LINGO2: variants seen among roughly 807,000 people sequenced by gnomAD.
The protein encoded by LINGO2 is leucine-rich repeat and immunoglobulin-like domain-containing nogo receptor-interacting protein 2.
In LINGO2, 14 loss-of-function variants were observed where a neutral mutation model predicts 30.6. The observed-to-expected ratio is 0.46, with a 90% CI of 0.30 to 0.72. The LOEUF is 0.72. Ranked by LOEUF, LINGO2 falls within the 30% of genes least tolerant of loss-of-function variation. The pLI, the probability that LINGO2 is intolerant of heterozygous loss-of-function variation, is 0.07. For missense variants in LINGO2, 729 were observed against 751.7 expected, an observed-to-expected ratio of 0.97 and a Z score of 0.35; for synonymous variants, 317 against 288.5, an observed-to-expected ratio of 1.10 and a Z score of -1.00.
chr9:28,327,532 T>A (rs1325739109), intron 3 of LINGO2, among the ~76,000 whole-genome samples: 1 of 152,140 alleles, frequency 6.6e-6, no homozygotes, highest in Non-Finnish European at 1.5e-5. Context: ...TTAGGGGGAG[T>A]GTGGAGGATT....
intron 4 of LINGO2, among the ~76,000 whole-genome samples, chr9:28,045,891 C>A (rs1446739531): frequency 1.3e-5 from 2 of 152,160 alleles, no homozygotes; most frequent in African/African-American, 4.8e-5. Flanking sequence ...CTACAACCCA[C>A]CTCCTGAGGA....
intron 5 of LINGO2, among the ~76,000 whole-genome samples, chr9:27,978,942 C>G (rs971574656): frequency 6.6e-6 from 1 of 151,986 alleles, no homozygotes; most frequent in African/African-American, 2.4e-5. Flanking sequence ...TCTAACAATA[C>G]TGGGAGAAAA....
At chr9:28,384,577 T>C (rs1025320744) in intron 2 of LINGO2, among the ~76,000 whole-genome samples, 23 of 152,110 alleles carry the variant, frequency 1.5e-4, no homozygotes, top group Admixed American at 6.6e-4. Context: ...ATCACATTCA[T>C]TGAATTTCAC....
intron 5 of LINGO2, among the ~76,000 whole-genome samples, chr9:27,953,184 T>C (rs1160780410): frequency 6.6e-6 from 1 of 152,096 alleles, no homozygotes; most frequent in African/African-American, 2.4e-5. Flanking sequence ...AAAATGAACA[T>C]CCACATACTG....
chr9:28,644,572 G>A (rs1287482284), intron 1 of LINGO2, among the ~76,000 whole-genome samples: 1 of 143,942 alleles, frequency 6.9e-6, no homozygotes, highest in Admixed American at 7.0e-5. Flanking sequence ...AATGGTTAAT[G>A]GGTGCAAACA....
At chr9:28,044,852 G>T (rs768798732) in intron 4 of LINGO2, among the ~76,000 whole-genome samples, 6 of 152,070 alleles carry the variant, frequency 3.9e-5, no homozygotes, top group Non-Finnish European at 7.4e-5. Flanking sequence ...AAAGTGCAGG[G>T]GTGGTTTCCC....
chr9:28,267,694 T>G (rs1466523203), intron 4 of LINGO2, among the ~76,000 whole-genome samples: 2 of 152,014 alleles, frequency 1.3e-5, no homozygotes, highest in Non-Finnish European at 2.9e-5. Context: ...GAACCCTTCA[T>G]GAACACCACA....
intron 1 of LINGO2, among the ~76,000 whole-genome samples, chr9:28,584,383 C>T (rs1279029018): frequency 1.3e-5 from 2 of 151,988 alleles, no homozygotes; most frequent in Non-Finnish European, 2.9e-5. Context: ...TAATTCTAAA[C>T]AAAAATGCCC....
At chr9:28,284,360 T>C (rs570109610) in intron 4 of LINGO2, among the ~76,000 whole-genome samples, 1 of 152,192 alleles carries the variant, frequency 6.6e-6, no homozygotes, top group Non-Finnish European at 1.5e-5. Context: ...CTGCACTCAC[T>C]GAGAAGACTG....
chr9:28,881,670 A>G, the LINGO2 span, among the ~76,000 whole-genome samples: 1 of 150,348 alleles, frequency 6.7e-6, no homozygotes, highest in Non-Finnish European at 1.5e-5. Context: ...TCAGGGTTAC[A>G]TGTGCAGGAT....
intron 3 of LINGO2, among the ~76,000 whole-genome samples, chr9:28,324,722 G>A (rs1426993612): frequency 1.3e-5 from 2 of 152,080 alleles, no homozygotes; most frequent in African/African-American, 4.8e-5. Flanking sequence ...GGAACCCTCA[G>A]GTCCAGGAAT....
intron 4 of LINGO2, among the ~76,000 whole-genome samples, chr9:28,055,613 C>T (rs1200641183): frequency 1.3e-5 from 2 of 152,122 alleles, no homozygotes; most frequent in South Asian, 2.1e-4. Flanking sequence ...TTCTCTCTAT[C>T]ATAGGCTTAC....
At chr9:28,507,996 A>G (rs908847785) in intron 1 of LINGO2, among the ~76,000 whole-genome samples, 5 of 152,200 alleles carry the variant, frequency 3.3e-5, no homozygotes, top group African/African-American at 9.6e-5. Context: ...AAAGAAAAAA[A>G]TAGGTATTCA....
the LINGO2 span, among the ~76,000 whole-genome samples, chr9:29,083,153 A>G: frequency 6.6e-6 from 1 of 152,190 alleles, no homozygotes; most frequent in African/African-American, 2.4e-5. Flanking sequence ...TTGTGGCACT[A>G]TTCACAACAG....
At chr9:28,128,959 C>G (rs184033101) in intron 4 of LINGO2, among the ~76,000 whole-genome samples, 5 of 152,292 alleles carry the variant, frequency 3.3e-5, no homozygotes, top group African/African-American at 4.8e-5. Context: ...GAAAAGCAAG[C>G]AGGAGGTAGA....
intron 2 of LINGO2, among the ~76,000 whole-genome samples, chr9:28,416,473 A>T (rs1822972430): frequency 6.6e-6 from 1 of 151,174 alleles, no homozygotes; most frequent in Admixed American, 6.6e-5. Flanking sequence ...CACTTAAAAT[A>T]GATTTTTAAA....
chr9:28,471,904 A>G (rs1825535106), intron 2 of LINGO2, among the ~76,000 whole-genome samples: 1 of 152,222 alleles, frequency 6.6e-6, no homozygotes, highest in African/African-American at 2.4e-5. Flanking sequence ...ATTGCCACAC[A>G]TAGGAATCTC....
the LINGO2 span, among the ~76,000 whole-genome samples, chr9:28,991,894 C>T: frequency 6.6e-6 from 1 of 151,664 alleles, no homozygotes; most frequent in Non-Finnish European, 1.5e-5. Flanking sequence ...ACAATCGGTA[C>T]CAGCCACTGC....
chr9:28,361,307 T>G (rs939777591), intron 3 of LINGO2, among the ~76,000 whole-genome samples: 5 of 152,194 alleles, frequency 3.3e-5, no homozygotes, highest in Non-Finnish European at 7.3e-5. Context: ...TTGCCTAATT[T>G]ATGAATTAAA....
Sources: allele counts gnomAD v4.1 joint callset (sites outside exome capture counted in the v4.1 genomes callset), GRCh38; gene constraint gnomAD v4.1.1; transcripts MANE v1.5; gene names NCBI Gene and HGNC (gene_info 2026-07-23, HGNC 2026-07-21).